The following SORCS1 variants were observed in gnomAD, a reference collection of about 807,000 sequenced individuals.
SORCS1 encodes the protein VPS10 domain-containing receptor SorCS1.
Under a neutral mutation model 146.1 loss-of-function variants are expected in SORCS1, and 60 were observed. The observed-to-expected ratio is 0.41, with a 90% CI of 0.33 to 0.51. SORCS1 has a LOEUF of 0.51. Ranked by LOEUF, SORCS1 falls within the 20% of genes least tolerant of loss-of-function variation. The pLI, the probability that SORCS1 is intolerant of heterozygous loss-of-function variation, is 0.21. For synonymous variants in SORCS1, 637 were observed against 584.0 expected (o/e 1.09, Z -1.31); for missense variants, 1,352 against 1,487.6 (o/e 0.91, Z 1.50).
At position 106,608,170 on chromosome 10, in the gene SORCS1, T is replaced by C. The variant is rs566530546; in HGVS notation, c.3034-873A>G. Among the ~76,000 whole-genome samples, 3 of 152,284 alleles carry C rather than the reference T, an allele frequency of 2.0e-5. No homozygotes were observed. In the South Asian group the frequency reaches 6.2e-4, roughly 32 times the overall value. On this transcript the variant is annotated intron_variant, in intron 22 of 25. Coordinates refer to ENST00000263054, the MANE Select transcript of SORCS1 (RefSeq NM_052918.5). Reference sequence around the variant, plus strand: ...CCAAAATGCTTGCAAGAATTCCCAATGCTAACAGGATTAAGGACATATTCA... The same window carrying C: ...CCAAAATGCTTGCAAGAATTCCCAACGCTAACAGGATTAAGGACATATTCA...
intron 1 of SORCS1, among the ~76,000 whole-genome samples, chr10:106,995,300 C>T (rs573911325): frequency 7.9e-5 from 11 of 139,100 alleles, no homozygotes; most frequent in East Asian, 4.0e-4. Context: ...GGAGACAGAG[C>T]GAGACTCCAT....
intron 6 of SORCS1, among the ~76,000 whole-genome samples, chr10:106,709,857 T>C (rs549703911): frequency 2.4e-4 from 37 of 152,366 alleles, no homozygotes; most frequent in African/African-American, 8.7e-4. Flanking sequence ...TTGCTCTCAA[T>C]ACCACCTACA....
chr10:106,797,944 A>G (rs182466727), intron 3 of SORCS1, among the ~76,000 whole-genome samples: 62 of 152,328 alleles, frequency 4.1e-4, no homozygotes, highest in Admixed American at 2.3e-3. Context: ...CAGAAAGTTT[A>G]CCGGAACTTT....
chr10:107,138,084 C>A (rs1217560520), intron 1 of SORCS1, among the ~76,000 whole-genome samples: 3 of 152,046 alleles, frequency 2.0e-5, no homozygotes, highest in Non-Finnish European at 4.4e-5. Context: ...AAAATAATTT[C>A]TCTTATATTT....
intron 2 of SORCS1, among the ~76,000 whole-genome samples, chr10:106,840,781 C>T (rs1948992438): frequency 6.6e-6 from 1 of 150,442 alleles, no homozygotes; most frequent in Non-Finnish European, 1.5e-5. Context: ...AGACCCTCCA[C>T]CAGCAAAAAG....
At chr10:106,879,947 A>G (rs1221263204) in intron 2 of SORCS1, among the ~76,000 whole-genome samples, 1 of 152,234 alleles carries the variant, frequency 6.6e-6, no homozygotes, top group African/African-American at 2.4e-5. Flanking sequence ...TCTGATCTAC[A>G]GAATTGTGTG....
intron 3 of SORCS1, among the ~76,000 whole-genome samples, chr10:106,786,743 A>T (rs979169219): frequency 2.0e-5 from 3 of 152,184 alleles, no homozygotes; most frequent in Admixed American, 6.5e-5. Flanking sequence ...TCTTCTGTAA[A>T]ACTTGTCACA....
At chr10:106,749,889 A>T (rs1311511073) in intron 5 of SORCS1, among the ~76,000 whole-genome samples, 1 of 152,220 alleles carries the variant, frequency 6.6e-6, no homozygotes, top group Non-Finnish European at 1.5e-5. Flanking sequence ...TAAGGCTTAA[A>T]GAAGTTAATT....
At chr10:106,720,582 AC>A (rs1384052738) in intron 6 of SORCS1, among the ~76,000 whole-genome samples, 2 of 151,574 alleles carry the variant, frequency 1.3e-5, no homozygotes, top group African/African-American at 2.4e-5. Context: ...GTACGATGCT[AC>A]TTTTTTTTTA....
chr10:107,061,715 C>G (rs979090684), intron 1 of SORCS1, among the ~76,000 whole-genome samples: 13 of 152,128 alleles, frequency 8.5e-5, no homozygotes, highest in Admixed American at 7.9e-4. Flanking sequence ...TGCTTTATTT[C>G]TCACATAACT....
At position 107,068,085 on chromosome 10, in the gene SORCS1, C is replaced by T. The variant is rs569115679; in HGVS notation, c.558+95884G>A. Among the ~76,000 whole-genome samples the T allele has an allele frequency of 9.9e-5, 15 of 152,212 alleles. No individual in the cohort carries two copies. The South Asian group carries it at 2.7e-3, about 27-fold the overall frequency. Reference sequence around the variant, plus strand: ...TCTTTCTCCGAGGTTTTGCTTGCCCCTACCAAAATGATGTTACTGAGAGGC... The same window carrying T: ...TCTTTCTCCGAGGTTTTGCTTGCCCTTACCAAAATGATGTTACTGAGAGGC... On this transcript the variant is annotated intron_variant, in intron 1 of 25. Transcript: ENST00000263054.
At chr10:106,930,437 T>C (rs1343079471) in intron 2 of SORCS1, among the ~76,000 whole-genome samples, 1 of 152,240 alleles carries the variant, frequency 6.6e-6, no homozygotes, top group East Asian at 1.9e-4. Flanking sequence ...AGGGCTGCTG[T>C]ATATTGAATA....
intron 22 of SORCS1, among the ~76,000 whole-genome samples, chr10:106,608,964 G>A (rs1846790506): frequency 1.3e-5 from 2 of 152,138 alleles, no homozygotes; most frequent in African/African-American, 4.8e-5. Context: ...GAAGTGACAC[G>A]ACTTGGAACC....
intron 10 of SORCS1, among the ~76,000 whole-genome samples, chr10:106,686,782 T>C (rs1020168654): frequency 5.9e-5 from 9 of 152,154 alleles, no homozygotes; most frequent in Admixed American, 2.0e-4. Context: ...AAGGTCAAGC[T>C]ATGGCTGCTG....
chr10:107,179,904 C>CTTTTTTTTTTTTTTT, the SORCS1 span, among the ~76,000 whole-genome samples: 1 of 51,248 alleles, frequency 2.0e-5, no homozygotes, highest in African/African-American at 8.4e-5. Context: ...ACAAAACAGA[C>CTTTTTTTTTTTTTTT]TTTTTTTTTT....
At chr10:106,951,513 G>GGA (rs1554892873) in intron 2 of SORCS1, among the ~76,000 whole-genome samples, 10 of 113,972 alleles carry the variant, frequency 8.8e-5, no homozygotes, top group South Asian at 3.2e-4. Context: ...CTCCGTCTCT[G>GGA]AAAAAAAAAA....
intron 2 of SORCS1, among the ~76,000 whole-genome samples, chr10:106,837,935 T>A (rs1482763577): frequency 6.6e-6 from 1 of 152,152 alleles, no homozygotes; most frequent in East Asian, 1.9e-4. Context: ...ACAATATTTA[T>A]CCCCATCTGA....
At chr10:106,623,622 T>G (rs1847893968) in intron 19 of SORCS1, among the ~76,000 whole-genome samples, 1 of 152,118 alleles carries the variant, frequency 6.6e-6, no homozygotes, top group South Asian at 2.1e-4. Context: ...TCGAATCTTG[T>G]TAGTAAAACA....
At chr10:107,127,088 G>A (rs1245428322) in intron 1 of SORCS1, among the ~76,000 whole-genome samples, 1 of 151,792 alleles carries the variant, frequency 6.6e-6, no homozygotes, top group Non-Finnish European at 1.5e-5. Flanking sequence ...TTTGTGGCAG[G>A]CTGATTATTC....
Sources: allele counts gnomAD v4.1 joint callset (sites outside exome capture counted in the v4.1 genomes callset), GRCh38; gene constraint gnomAD v4.1.1; transcripts MANE v1.5; gene names NCBI Gene and HGNC (gene_info 2026-07-23, HGNC 2026-07-21).